PROS1: variants seen among roughly 807,000 people sequenced by gnomAD.
PROS1 encodes vitamin K-dependent protein S.
PROS1 carries 29 observed loss-of-function variants against 75.9 expected under a neutral mutation model. The ratio of observed to expected loss-of-function variants is 0.38; its 90% CI spans 0.28 to 0.52. The LOEUF (loss-of-function observed/expected upper bound fraction) is 0.52. PROS1 is among the 20% of genes least tolerant of loss of function. PROS1 has a pLI of 0.83. For synonymous variants in PROS1, 245 were observed against 280.6 expected, an observed-to-expected ratio of 0.87 and a Z score of 1.27; for missense variants, 680 against 810.3, an observed-to-expected ratio of 0.84 and a Z score of 1.95.
intron 1 of PROS1, chr3:93,928,940 T>C (rs1033403342): frequency 3.3e-6 from 1 of 304,960 alleles, no homozygotes. Context: ...AAAAGAATGA[T>C]AATATCAATT....
chr3:93,892,599 G>A (rs1218785687), intron 10 of PROS1, among the ~76,000 whole-genome samples: 1 of 151,620 alleles, frequency 6.6e-6, no homozygotes, highest in Non-Finnish European at 1.5e-5. Context: ...ACTCCAGCCT[G>A]GGCAACAAGA....
chr3:93,938,222 C>T (rs1429354702), intron 1 of PROS1, among the ~76,000 whole-genome samples: 1 of 152,052 alleles, frequency 6.6e-6, no homozygotes, highest in Non-Finnish European at 1.5e-5. Context: ...CTCAGCAGCT[C>T]CCCCATTGAG....
chr3:93,924,376 A>G, intron 2 of PROS1, 112 bp from the exon 3 acceptor site: 1 of 538,140 alleles, frequency 1.9e-6, no homozygotes, highest in Non-Finnish European at 2.7e-6. Flanking sequence ...GTTACATATA[A>G]CCATCATTTT....
At chr3:93,969,056 A>G (rs1709831719) in intron 1 of PROS1, among the ~76,000 whole-genome samples, 1 of 152,090 alleles carries the variant, frequency 6.6e-6, no homozygotes, top group Non-Finnish European at 1.5e-5. Flanking sequence ...CAAGGGAGAG[A>G]AAGGCAAGCC....
chr3:93,954,464 A>T (rs1448967447), intron 1 of PROS1, among the ~76,000 whole-genome samples: 1 of 152,230 alleles, frequency 6.6e-6, no homozygotes, highest in Non-Finnish European at 1.5e-5. Context: ...TGACAAAAAC[A>T]AGAAATGGGG....
rs546825794 is a variant in PROS1, at chr3:93,888,929, C to G, written c.1156-2426G>C. On this transcript the variant is annotated intron_variant, in intron 10 of 14. Transcript: ENST00000394236. ...ACATCCTCATCATGGCCTCCAAGGC[C>G]CTAGATGATCTTATTCTAGACCACG... 6.6e-5 allele frequency among the ~76,000 whole-genome samples: 10 copies of G among 152,200 alleles called. No individual in the cohort carries two copies. The South Asian group carries it at 2.1e-3, about 32-fold the overall frequency.
intron 9 of PROS1, 38 bp downstream of exon 9, chr3:93,896,538 T>C: frequency 6.7e-7 from 1 of 1,483,544 alleles, no homozygotes; most frequent in Non-Finnish European, 9.4e-7. Context: ...CCTTATCTGC[T>C]TAACCTCTAG....
At chr3:93,962,045 A>C (rs1345754007) in intron 1 of PROS1, among the ~76,000 whole-genome samples, 2 of 152,142 alleles carry the variant, frequency 1.3e-5, no homozygotes, top group Non-Finnish European at 2.9e-5. Context: ...AACCACTGGA[A>C]TTTTTAATAA....
At chr3:93,932,325 C>A (rs760475888) in intron 1 of PROS1, among the ~76,000 whole-genome samples, 2 of 152,212 alleles carry the variant, frequency 1.3e-5, no homozygotes, top group Non-Finnish European at 2.9e-5. Flanking sequence ...CAGCTGAGAA[C>A]ACAGACAACC....
chr3:93,921,563 A>C (rs1708943864), intron 3 of PROS1, among the ~76,000 whole-genome samples: 1 of 152,088 alleles, frequency 6.6e-6, no homozygotes, highest in Admixed American at 6.6e-5. Context: ...CTTGTTTAAT[A>C]CTCGTTTGTA....
chr3:93,963,268 G>GAGAT (rs1709735432), intron 1 of PROS1, among the ~76,000 whole-genome samples: 1 of 152,192 alleles, frequency 6.6e-6, no homozygotes, highest in Non-Finnish European at 1.5e-5. Context: ...TGGTGACCAT[G>GAGAT]AGATGTAAAC....
At chr3:93,898,763 TTTTA>T (rs1407509626) in intron 7 of PROS1, among the ~76,000 whole-genome samples, 194 bp from the exon 8 acceptor site, 1 of 152,056 alleles carries the variant, frequency 6.6e-6, no homozygotes, top group East Asian at 1.9e-4. Flanking sequence ...CAAGTATAGT[TTTTA>T]TTTACATATT....
chr3:93,960,802 G>T (rs934609922), intron 1 of PROS1, among the ~76,000 whole-genome samples: 1 of 151,524 alleles, frequency 6.6e-6, no homozygotes, highest in African/African-American at 2.4e-5. Context: ...TGTAACAGAG[G>T]TTATTCAATA....
At chr3:93,885,058 T>A (rs1708327112) in intron 11 of PROS1, among the ~76,000 whole-genome samples, 162 bp from the exon 12 acceptor site, 1 of 152,220 alleles carries the variant, frequency 6.6e-6, no homozygotes, top group African/African-American at 2.4e-5. Flanking sequence ...ATTCTTCAGA[T>A]GGACAGTCTT....
Position 93,900,833 on chromosome 3 carries a change from C to T in PROS1, c.698G>A (p.Arg233Lys), listed in dbSNP as rs41267007. The T allele has an allele frequency of 5.3e-3, 8,523 of 1,613,702 alleles. 135 individuals carry two copies. The highest frequency in any genetic ancestry group is 0.034 in the South Asian group (3,092 of 91,068). The change falls in exon 7 of 15, where the codon AGA becomes AAA. Residue 233 changes from arginine to lysine, a missense_variant. Coordinates refer to ENST00000394236, the MANE Select transcript of PROS1 (RefSeq NM_000313.4). ...ACAAGACTTTGATTTGAGATTATAT[C>T]TGTAGCCTTCGGGGCATTCACATTC... ...DFECECPEGYRYNLKSKSCED... is the reference protein window; with the variant it reads ...DFECECPEGYKYNLKSKSCED...
At chr3:93,893,453 T>G (rs1708460622) in intron 9 of PROS1, among the ~76,000 whole-genome samples, 1 of 152,236 alleles carries the variant, frequency 6.6e-6, no homozygotes. Flanking sequence ...CAGGTATAAG[T>G]ATCAGGCATA....
chr3:93,931,069 T>G (rs1191697416), intron 1 of PROS1, among the ~76,000 whole-genome samples: 1 of 152,268 alleles, frequency 6.6e-6, no homozygotes, highest in African/African-American at 2.4e-5. Flanking sequence ...TTTACATTGG[T>G]ATGATACATA....
chr3:93,940,267 C>T (rs1311699269), intron 1 of PROS1, among the ~76,000 whole-genome samples: 4 of 152,172 alleles, frequency 2.6e-5, no homozygotes, highest in Non-Finnish European at 4.4e-5. Context: ...CTCAGCTTAG[C>T]GGCTGAAGAC....
At chr3:93,899,462 AGTCATATATAAATCTTTTTAAAAAATAT>A (rs1708553095) in intron 7 of PROS1, among the ~76,000 whole-genome samples, 2 of 152,280 alleles carry the variant, frequency 1.3e-5, no homozygotes, top group South Asian at 4.1e-4. Flanking sequence ...TATAGATAAG[AGTCATATATAAATCTTTTTAAAAAATAT>A]GTCATTCATT....
Sources: gnomAD v4.1 joint callset for allele counts (sites outside exome capture counted in the v4.1 genomes callset) on GRCh38, gnomAD v4.1.1 for gene constraint, MANE v1.5 for transcripts, NCBI Gene and HGNC (gene_info 2026-07-23, HGNC 2026-07-21) for gene names.